Variants in NEMP2 observed in about 807,000 individuals in gnomAD.
NEMP2 encodes nuclear envelope integral membrane protein 2, also known as UPF0571 transmembrane protein.
A neutral mutation model predicts 54.2 loss-of-function variants in NEMP2; 53 were observed. That is an observed-to-expected ratio of 0.98 (90% confidence interval 0.78 to 1.23). The LOEUF (loss-of-function observed/expected upper bound fraction) is 1.23, where lower values mean the gene tolerates loss of function less well. Among genes scored for constraint, NEMP2 ranks in the 50% most tolerant of loss-of-function variants. The pLI, the probability that NEMP2 is intolerant of heterozygous loss-of-function variation, is 0.00. For missense variants in NEMP2, 455 were observed against 511.3 expected (o/e 0.89, Z 1.06); for synonymous variants, 197 against 190.3 (o/e 1.04, Z -0.29).
chr2:190,500,362 AAC>A, downstream of NEMP2: 17 of 809,456 alleles, frequency 2.1e-5, no homozygotes, highest in South Asian at 3.6e-5. This position sits in a 1 kb window ranked among gnomAD's most constrained non-coding sequence, Gnocchi z 5.3. Flanking sequence ...TTAACATGGA[AAC>A]ACACACACAG....
chr2:190,437,602 C>CT, the NEMP2 span: 1 of 1,576,088 alleles, frequency 6.3e-7, no homozygotes, highest in African/African-American at 1.4e-5. The surrounding 1 kb of genome is among the most constrained non-coding windows in gnomAD (Gnocchi z 5.9). Flanking sequence ...AGCAATTGAA[C>CT]TTTATCTTTT....
At chr2:190,602,425 C>T in the NEMP2 span, among the ~76,000 whole-genome samples, 1 of 152,212 alleles carries the variant, frequency 6.6e-6, no homozygotes. Flanking sequence ...ATGATGCCCA[C>T]ACACATTATG....
chr2:190,482,528 A>G, the NEMP2 span, among the ~76,000 whole-genome samples: 1 of 152,000 alleles, frequency 6.6e-6, no homozygotes, highest in Admixed American at 6.6e-5. Flanking sequence ...AGTAAGCTTA[A>G]GTCAGTGGCA....
At chr2:190,516,164 A>C (rs1389101393) in intron 6 of NEMP2, 106 bp downstream of exon 6, 5 of 744,176 alleles carry the variant, frequency 6.7e-6, no homozygotes, top group East Asian at 2.7e-5. Flanking sequence ...CGTTAGTTCA[A>C]AATGAAAATT....
At chr2:190,447,386 T>G in the NEMP2 span, among the ~76,000 whole-genome samples, 1 of 152,204 alleles carries the variant, frequency 6.6e-6, no homozygotes, top group Non-Finnish European at 1.5e-5. The surrounding 1 kb of genome is among the most constrained non-coding windows in gnomAD (Gnocchi z 4.5). Flanking sequence ...TTGTGCCAAC[T>G]AGAGAGCTTT....
At chr2:190,577,256 C>A in the NEMP2 span, among the ~76,000 whole-genome samples, 1 of 152,004 alleles carries the variant, frequency 6.6e-6, no homozygotes. This position sits in a 1 kb window ranked among gnomAD's most constrained non-coding sequence, Gnocchi z 4.8. Flanking sequence ...TTTTTTTTAA[C>A]ATTAAAAGAA....
the NEMP2 span, chr2:190,620,449 A>AAACAAAACAT: frequency 6.6e-6 from 1 of 152,184 alleles, no homozygotes; most frequent in Non-Finnish European, 1.5e-5. The surrounding 1 kb of genome is among the most constrained non-coding windows in gnomAD (Gnocchi z 4.9). Context: ...AAACAAAACA[A>AAACAAAACAT]AACAAACAAA....
the NEMP2 span, among the ~76,000 whole-genome samples, chr2:190,486,615 T>C: frequency 6.6e-6 from 1 of 152,250 alleles, no homozygotes; most frequent in Non-Finnish European, 1.5e-5. Flanking sequence ...CTGTCTCATA[T>C]GTTTTGTCCG....
the NEMP2 span, among the ~76,000 whole-genome samples, chr2:190,561,264 C>T: frequency 6.6e-6 from 1 of 152,216 alleles, no homozygotes. This position sits in a 1 kb window ranked among gnomAD's most constrained non-coding sequence, Gnocchi z 5.4. Flanking sequence ...AAACCCCTGT[C>T]TTGGACCTTA....
At chr2:190,437,197 C>T in the NEMP2 span, 42 of 1,614,092 alleles carry the variant, frequency 2.6e-5, no homozygotes, top group Non-Finnish European at 3.2e-5. This position sits in a 1 kb window ranked among gnomAD's most constrained non-coding sequence, Gnocchi z 5.9. Flanking sequence ...CACTCAGTTC[C>T]GGTTCCGCTA....
chr2:190,455,462 A>T, the NEMP2 span, among the ~76,000 whole-genome samples: 1 of 152,120 alleles, frequency 6.6e-6, no homozygotes, highest in East Asian at 1.9e-4. Context: ...GGCCATGGGA[A>T]GGGCACAGGA....
chr2:190,624,191 T>TA, the NEMP2 span, among the ~76,000 whole-genome samples: 11 of 152,096 alleles, frequency 7.2e-5, no homozygotes, highest in South Asian at 8.3e-4. Context: ...CAACAGGTAT[T>TA]AAAAAAATGG....
chr2:190,568,680 G>A, the NEMP2 span, among the ~76,000 whole-genome samples: 2 of 152,050 alleles, frequency 1.3e-5, no homozygotes, highest in Non-Finnish European at 2.9e-5. This position sits in a 1 kb window ranked among gnomAD's most constrained non-coding sequence, Gnocchi z 4.7. Flanking sequence ...AAATTAGCTG[G>A]GCGTGGTGGC....
At chr2:190,436,040 A>G in the NEMP2 span, 1 of 1,609,672 alleles carries the variant, frequency 6.2e-7, no homozygotes, top group African/African-American at 1.3e-5. The surrounding 1 kb of genome is among the most constrained non-coding windows in gnomAD (Gnocchi z 5.3). Context: ...ATGGCAGATG[A>G]TAAAGTTGCT....
At chr2:190,643,447 C>T in the NEMP2 span, among the ~76,000 whole-genome samples, 1 of 152,206 alleles carries the variant, frequency 6.6e-6, no homozygotes, top group Non-Finnish European at 1.5e-5. Context: ...ATGGTCCAGA[C>T]ATGGGCTGTG....
At chr2:190,449,351 GTA>G in the NEMP2 span, among the ~76,000 whole-genome samples, 1 of 152,118 alleles carries the variant, frequency 6.6e-6, no homozygotes, top group Non-Finnish European at 1.5e-5. Flanking sequence ...GCGGGCACTT[GTA>G]GTCCCAGCTA....
the NEMP2 span, among the ~76,000 whole-genome samples, chr2:190,603,402 A>G: frequency 6.6e-6 from 1 of 151,896 alleles, no homozygotes; most frequent in Admixed American, 6.6e-5. Flanking sequence ...AAATGGGTCA[A>G]GGCCCGGGTC....
upstream of NEMP2, chr2:190,535,119 C>T (rs1691328889): frequency 6.5e-6 from 1 of 154,790 alleles, no homozygotes; most frequent in South Asian, 2.1e-4. Flanking sequence ...TCTCCGAGCA[C>T]CTGTGAGTGA....
At chr2:190,547,081 C>G in the NEMP2 span, among the ~76,000 whole-genome samples, 2 of 152,234 alleles carry the variant, frequency 1.3e-5, no homozygotes, top group Admixed American at 6.5e-5. The surrounding 1 kb of genome is among the most constrained non-coding windows in gnomAD (Gnocchi z 6.2). Flanking sequence ...CTTGAAAGCT[C>G]TCATCTTCAC....
Sources: allele counts gnomAD v4.1 joint callset (sites outside exome capture counted in the v4.1 genomes callset), GRCh38; gene constraint gnomAD v4.1.1; non-coding constraint Gnocchi (gnomAD v3.1); transcripts MANE v1.5; gene names NCBI Gene and HGNC (gene_info 2026-07-23, HGNC 2026-07-21).